ANO3: variants seen among roughly 807,000 people sequenced by gnomAD.
ANO3 encodes the protein anoctamin-3.
In ANO3, 99 loss-of-function variants were observed where a neutral mutation model predicts 144.8. That is an observed-to-expected ratio of 0.68 (90% CI 0.58 to 0.81). The LOEUF is 0.81. Ranked by LOEUF, ANO3 falls within the 30% of genes least tolerant of loss-of-function variation. The pLI, the probability that ANO3 is intolerant of heterozygous loss-of-function variation, is 0.00. For synonymous variants in ANO3, 414 were observed against 392.6 expected, an observed-to-expected ratio of 1.05 and a Z score of -0.64; for missense variants, 905 against 1,202.2, an observed-to-expected ratio of 0.75 and a Z score of 3.66.
At chr11:26,602,667 A>C (rs1851833817) in intron 17 of ANO3, among the ~76,000 whole-genome samples, 1 of 149,316 alleles carries the variant, frequency 6.7e-6, no homozygotes, top group Admixed American at 6.7e-5. Flanking sequence ...TGGGAGGGTC[A>C]GTTGAGACCA....
intron 23 of ANO3, among the ~76,000 whole-genome samples, chr11:26,646,909 A>G (rs1353248440): frequency 6.6e-6 from 1 of 152,114 alleles, no homozygotes; most frequent in East Asian, 1.9e-4. Context: ...TCATCAAGTA[A>G]ACTTTAACAT....
At chr11:26,611,287 C>T (rs1297048981) in intron 17 of ANO3, among the ~76,000 whole-genome samples, 1 of 151,950 alleles carries the variant, frequency 6.6e-6, no homozygotes, top group Non-Finnish European at 1.5e-5. Context: ...TTTGCTGTGT[C>T]TCATAGGTTT....
At chr11:26,613,540 G>T (rs1459306453) in intron 17 of ANO3, among the ~76,000 whole-genome samples, 1 of 152,080 alleles carries the variant, frequency 6.6e-6, no homozygotes, top group Non-Finnish European at 1.5e-5. Flanking sequence ...TTCTTTGGAG[G>T]TATCCTATTT....
chr11:26,622,458 C>G (rs1423936450), intron 17 of ANO3, among the ~76,000 whole-genome samples: 1 of 148,572 alleles, frequency 6.7e-6, no homozygotes, highest in African/African-American at 2.5e-5. Flanking sequence ...AGAAAATGAG[C>G]CAGGCATCAT....
intron 1 of ANO3, among the ~76,000 whole-genome samples, chr11:26,398,634 G>C (rs1857074834): frequency 6.6e-6 from 1 of 152,022 alleles, no homozygotes; most frequent in African/African-American, 2.4e-5. Context: ...GACTAAGTGA[G>C]AGTAACTGTG....
At chr11:26,403,803 C>G (rs2350206) in intron 1 of ANO3, among the ~76,000 whole-genome samples, 96,915 of 151,720 alleles carry the variant, frequency 0.64, 33,675 homozygotes, top group Admixed American at 0.78. Context: ...GACATAGAGG[C>G]CTCCTTATTC....
chr11:26,418,625 T>C (rs566423445), intron 1 of ANO3, among the ~76,000 whole-genome samples: 1 of 152,236 alleles, frequency 6.6e-6, no homozygotes, highest in Admixed American at 6.6e-5. Context: ...CTAAACCACA[T>C]TTGTTCTCAT....
At chr11:26,329,647 A>C (rs1854985433), upstream of ANO3, among the ~76,000 whole-genome samples, 1 of 152,132 alleles carries the variant, frequency 6.6e-6, no homozygotes. Flanking sequence ...AAATCCAATG[A>C]GGTTCAAAAT....
intron 1 of ANO3, among the ~76,000 whole-genome samples, chr11:26,322,117 G>A (rs78155926): frequency 1.3e-5 from 2 of 151,902 alleles, no homozygotes; most frequent in East Asian, 3.9e-4. Flanking sequence ...TTCAGTTTAT[G>A]TACCGCATTT....
intron 1 of ANO3, among the ~76,000 whole-genome samples, chr11:26,397,497 C>G (rs886268397): frequency 1.3e-5 from 2 of 151,916 alleles, no homozygotes; most frequent in Non-Finnish European, 2.9e-5. Flanking sequence ...GAATGAAGTT[C>G]TCTATATAAA....
intron 1 of ANO3, among the ~76,000 whole-genome samples, chr11:26,341,867 A>G (rs1222593295): frequency 6.6e-6 from 1 of 152,190 alleles, no homozygotes; most frequent in Non-Finnish European, 1.5e-5. Context: ...AGCATCCAGC[A>G]AGGGAGAAAG....
At chr11:26,396,651 A>C (rs1417303691) in intron 1 of ANO3, among the ~76,000 whole-genome samples, 1 of 152,154 alleles carries the variant, frequency 6.6e-6, no homozygotes, top group Admixed American at 6.6e-5. Context: ...AGGTACATGA[A>C]TGAAGCTGGA....
chr11:26,449,597 AG>A (rs537599401), intron 3 of ANO3, among the ~76,000 whole-genome samples: 4 of 151,014 alleles, frequency 2.6e-5, no homozygotes, highest in Non-Finnish European at 5.9e-5. Context: ...TATCACTGTG[AG>A]TTTTCTCACT....
chr11:26,280,267 C>A (rs10834944), intron 1 of ANO3, among the ~76,000 whole-genome samples: 14 of 151,862 alleles, frequency 9.2e-5, no homozygotes, highest in Admixed American at 8.5e-4. Flanking sequence ...ACATCTACCC[C>A]GCTAGCCTTC....
intron 1 of ANO3, among the ~76,000 whole-genome samples, chr11:26,282,712 A>G (rs1853707386): frequency 6.6e-6 from 1 of 152,214 alleles, no homozygotes. Flanking sequence ...CTTAGTCTGT[A>G]TCATCTTACC....
chr11:26,484,207 C>T (rs1387680126), intron 4 of ANO3, among the ~76,000 whole-genome samples: 1 of 152,060 alleles, frequency 6.6e-6, no homozygotes, highest in Non-Finnish European at 1.5e-5. Flanking sequence ...TGCAGCCTGA[C>T]TGTGGTAGAA....
intron 13 of ANO3, among the ~76,000 whole-genome samples, chr11:26,556,299 G>T (rs536301030): frequency 1.3e-5 from 2 of 151,974 alleles, no homozygotes; most frequent in African/African-American, 4.8e-5. Context: ...ATTGAAAAAT[G>T]ACTCAACCCC....
At chr11:26,305,589 A>G (rs374390737), upstream of ANO3, among the ~76,000 whole-genome samples, 22 of 152,298 alleles carry the variant, frequency 1.4e-4, no homozygotes, top group African/African-American at 5.3e-4. Context: ...ACTTTTTCTC[A>G]GAAACCAATA....
intron 3 of ANO3, among the ~76,000 whole-genome samples, chr11:26,456,120 C>A (rs1270350839): frequency 6.6e-6 from 1 of 151,900 alleles, no homozygotes; most frequent in African/African-American, 2.4e-5. Flanking sequence ...CCATAAAAAC[C>A]CTAGAAGAAA....
Sources: gnomAD v4.1 joint callset for allele counts (sites outside exome capture counted in the v4.1 genomes callset) on GRCh38, gnomAD v4.1.1 for gene constraint, MANE v1.5 for transcripts, NCBI Gene and HGNC (gene_info 2026-07-23, HGNC 2026-07-21) for gene names.